TENM3: variants seen among roughly 807,000 people sequenced by gnomAD.
TENM3 encodes the protein teneurin-3.
Under a neutral mutation model 255.1 loss-of-function variants are expected in TENM3, and 63 were observed. The ratio of observed to expected loss-of-function variants is 0.25; its 90% CI spans 0.20 to 0.30. The LOEUF (loss-of-function observed/expected upper bound fraction) is 0.30. Ranked by LOEUF, TENM3 falls within the 10% of genes least tolerant of loss-of-function variation. The pLI, the probability that TENM3 is intolerant of heterozygous loss-of-function variation, is 1.00. For missense variants in TENM3, 2,929 were observed against 3,461.1 expected (o/e 0.85, Z 3.86); for synonymous variants, 1,306 against 1,322.3 (o/e 0.99, Z 0.27).
At chr4:182,512,110 G>A (rs1378914446) in intron 3 of TENM3, among the ~76,000 whole-genome samples, 1 of 152,138 alleles carries the variant, frequency 6.6e-6, no homozygotes, top group Non-Finnish European at 1.5e-5. Flanking sequence ...ATGTGGAAGA[G>A]ACTATTTCAT....
At chr4:181,918,114 T>C in the TENM3 span, among the ~76,000 whole-genome samples, 1 of 152,266 alleles carries the variant, frequency 6.6e-6, no homozygotes, top group Non-Finnish European at 1.5e-5. Flanking sequence ...AGGAAAGCAC[T>C]GGACAATGCA....
chr4:181,470,579 A>T, the TENM3 span, among the ~76,000 whole-genome samples: 1 of 152,300 alleles, frequency 6.6e-6, no homozygotes, highest in South Asian at 2.1e-4. Flanking sequence ...ATTGGAACCT[A>T]CTGAAGCATT....
the TENM3 span, among the ~76,000 whole-genome samples, chr4:181,758,948 C>T: frequency 6.6e-6 from 1 of 152,154 alleles, no homozygotes; most frequent in South Asian, 2.1e-4. Context: ...AATACCAACT[C>T]TTTCCATTGT....
At chr4:182,376,953 A>G (rs1767216415) in intron 3 of TENM3, among the ~76,000 whole-genome samples, 1 of 152,218 alleles carries the variant, frequency 6.6e-6, no homozygotes, top group Non-Finnish European at 1.5e-5. Flanking sequence ...GGCACTGTGT[A>G]GTCAGAATCA....
chr4:181,698,132 TGAAACCGG>T, the TENM3 span, among the ~76,000 whole-genome samples: 3 of 150,586 alleles, frequency 2.0e-5, no homozygotes, highest in African/African-American at 7.4e-5. Context: ...GAGAATTGCT[TGAAACCGG>T]GAGGCGGAGG....
the TENM3 span, among the ~76,000 whole-genome samples, chr4:181,941,597 C>T: frequency 5.3e-5 from 8 of 152,132 alleles, no homozygotes; most frequent in Non-Finnish European, 1.2e-4. Flanking sequence ...GTTATTTTCT[C>T]ATTTCTTTCT....
the TENM3 span, among the ~76,000 whole-genome samples, chr4:182,073,140 A>C: frequency 3.9e-5 from 6 of 152,230 alleles, no homozygotes; most frequent in Admixed American, 2.6e-4. Context: ...ACTTACAATC[A>C]TGGCAGGAGG....
chr4:182,342,626 G>A (rs1764552726), intron 2 of TENM3, among the ~76,000 whole-genome samples: 1 of 152,162 alleles, frequency 6.6e-6, no homozygotes, highest in Non-Finnish European at 1.5e-5. Flanking sequence ...TTTGTGGTAT[G>A]TGAGTTATGT....
intron 3 of TENM3, among the ~76,000 whole-genome samples, chr4:182,462,068 CT>C (rs34287537): frequency 0.25 from 36,598 of 146,538 alleles, 4,584 homozygotes; most frequent in Middle Eastern, 0.37. Context: ...CTCCTCTGAG[CT>C]TTTTTTTTTT....
chr4:182,798,792 A>G (rs1766682619), intron 27 of TENM3, among the ~76,000 whole-genome samples: 1 of 152,224 alleles, frequency 6.6e-6, no homozygotes, highest in Non-Finnish European at 1.5e-5. Context: ...AATCGTGGGC[A>G]AAGACACTGA....
chr4:182,497,029 C>G (rs1560830152), intron 3 of TENM3, among the ~76,000 whole-genome samples: 1 of 151,002 alleles, frequency 6.6e-6, no homozygotes, highest in Non-Finnish European at 1.5e-5. Context: ...CCATGTTATA[C>G]TAAGTATACT....
At chr4:181,612,490 A>ATGTGTGTGTGTGTGTGTG in the TENM3 span, among the ~76,000 whole-genome samples, 34 of 148,446 alleles carry the variant, frequency 2.3e-4, no homozygotes, top group South Asian at 6.5e-4. Context: ...TTTGGTTAAG[A>ATGTGTGTGTGTGTGTGTG]TGTGTGTGTG....
the TENM3 span, among the ~76,000 whole-genome samples, chr4:181,774,701 T>C: frequency 3.1e-5 from 1 of 31,826 alleles, no homozygotes; most frequent in Non-Finnish European, 6.0e-5. Flanking sequence ...TTTTTAATGA[T>C]TGCCATTCTA....
chr4:181,591,476 G>A, the TENM3 span, among the ~76,000 whole-genome samples: 3 of 152,160 alleles, frequency 2.0e-5, no homozygotes, highest in African/African-American at 4.8e-5. Flanking sequence ...CAACCCAAAT[G>A]TCCATCAGTA....
intron 20 of TENM3, among the ~76,000 whole-genome samples, chr4:182,752,266 A>C (rs1184777708): frequency 6.8e-6 from 1 of 147,884 alleles, no homozygotes; most frequent in African/African-American, 2.5e-5. Context: ...ATTTTTTATT[A>C]TCATACCATT....
intron 7 of TENM3, among the ~76,000 whole-genome samples, chr4:182,676,544 G>A (rs367609234): frequency 1.3e-5 from 2 of 152,196 alleles, no homozygotes; most frequent in East Asian, 3.8e-4. Context: ...AAGAGTTGAT[G>A]TAAGGACACA....
intron 1 of TENM3, among the ~76,000 whole-genome samples, chr4:182,177,517 A>T (rs1752568954): frequency 6.6e-6 from 1 of 151,982 alleles, no homozygotes; most frequent in African/African-American, 2.4e-5. Context: ...CCTGAAAATT[A>T]TCAAATTAGG....
the TENM3 span, among the ~76,000 whole-genome samples, chr4:182,072,872 C>T: frequency 7.2e-5 from 11 of 152,066 alleles, no homozygotes; most frequent in Non-Finnish European, 1.3e-4. Context: ...AGCCCTAACC[C>T]CCAACATGAC....
the TENM3 span, among the ~76,000 whole-genome samples, chr4:182,073,704 T>A: frequency 1.1e-4 from 16 of 152,268 alleles, no homozygotes; most frequent in South Asian, 3.3e-3. Flanking sequence ...AAATCCACAC[T>A]TTTTTCCACT....
Sources: gnomAD v4.1 joint callset for allele counts (sites outside exome capture counted in the v4.1 genomes callset) on GRCh38, gnomAD v4.1.1 for gene constraint, MANE v1.5 for transcripts, NCBI Gene and HGNC (gene_info 2026-07-23, HGNC 2026-07-21) for gene names.